The following TRAF3 variants were observed in gnomAD, a reference collection of about 807,000 sequenced individuals.
The protein encoded by TRAF3 is TNF receptor associated factor 3.
A neutral mutation model predicts 62.3 loss-of-function variants in TRAF3; 13 were observed. The observed-to-expected ratio is 0.21, with a 90% confidence interval of 0.14 to 0.33. The LOEUF is 0.33. TRAF3 is among the 10% of genes least tolerant of loss of function. TRAF3 has a pLI of 1.00. For missense variants in TRAF3, 440 were observed against 741.8 expected (o/e 0.59, Z 4.73); for synonymous variants, 269 against 283.4 (o/e 0.95, Z 0.51).
intron 2 of TRAF3, among the ~76,000 whole-genome samples, chr14:102,858,573 A>G (rs1887511903): frequency 6.6e-6 from 1 of 152,242 alleles, no homozygotes; most frequent in African/African-American, 2.4e-5. Flanking sequence ...TCAACACAGC[A>G]GTTGTCTGTG....
chr14:102,828,435 C>A lies in TRAF3; in HGVS notation c.-156-1899C>A, dbSNP rs576663448. Among the ~76,000 whole-genome samples, 53 of 152,248 alleles carry A rather than the reference C, an allele frequency of 3.5e-4. 1 individual carries two copies. The highest frequency in any genetic ancestry group is 1.2e-3 in the African/African-American group (50 of 41,548). ...GGCAGTTTAGTGATTAGAACGTACG[C>A]GATTCTGTGAATGCTGTGGCTGGCA... On this transcript the variant is annotated intron_variant, in intron 1 of 11. Coordinates refer to ENST00000392745, the MANE Select transcript of TRAF3 (RefSeq NM_145725.3).
intron 2 of TRAF3, among the ~76,000 whole-genome samples, chr14:102,865,372 A>G (rs1352292795): frequency 6.6e-6 from 1 of 152,168 alleles, no homozygotes; most frequent in Non-Finnish European, 1.5e-5. Flanking sequence ...ATAGTGGCTC[A>G]TTTACTAGTC....
chr14:102,903,099 C>G lies in TRAF3; in HGVS notation c.961-156C>G, dbSNP rs2140000619. 1.0e-6 allele frequency: 1 copy of G among 990,956 alleles called. No homozygotes were observed. The highest frequency in any genetic ancestry group is 2.2e-4 in the Middle Eastern group (1 of 4,512). 61.4% of individuals were successfully genotyped at this position (990,956 alleles called of 1,614,324 possible). A position where few individuals can be genotyped will look rare whatever the true frequency, so the allele number is the denominator to read the frequency against. ...CAGGGAGCTCCCAGGAGGCCTGATGCAGAGCCCCACTCCTGGAGTCAGAGC... is the reference window on the plus strand; with the variant it reads ...CAGGGAGCTCCCAGGAGGCCTGATGGAGAGCCCCACTCCTGGAGTCAGAGC... On this transcript the variant is annotated intron_variant, in intron 10 of 11. Transcript: ENST00000392745. The surrounding 1 kb of genome is among the most constrained non-coding windows in gnomAD (Gnocchi z 6.4).
intron 2 of TRAF3, among the ~76,000 whole-genome samples, chr14:102,850,205 GC>G (rs1886954043): frequency 6.6e-6 from 1 of 152,158 alleles, no homozygotes. Flanking sequence ...GTATGGATAT[GC>G]CTCAGCTGTG....
intron 6 of TRAF3, among the ~76,000 whole-genome samples, chr14:102,878,904 C>T (rs934044295): frequency 6.6e-6 from 1 of 151,850 alleles, no homozygotes; most frequent in Non-Finnish European, 1.5e-5. Flanking sequence ...GAAGGTTGTA[C>T]TGGGGTGTGC....
chr14:102,888,376 G>C (rs1889522043), intron 7 of TRAF3, among the ~76,000 whole-genome samples: 1 of 152,190 alleles, frequency 6.6e-6, no homozygotes, highest in African/African-American at 2.4e-5. Context: ...TTCCTTGAAG[G>C]TTGACCCTAG....
chr14:102,845,376 T>A (rs1057482653), intron 2 of TRAF3, among the ~76,000 whole-genome samples: 18 of 151,714 alleles, frequency 1.2e-4, no homozygotes, highest in Non-Finnish European at 2.4e-4. Flanking sequence ...CTAATTTTTT[T>A]ATTTTTAGTA....
At chr14:102,840,773 A>G (rs7161606) in intron 2 of TRAF3, among the ~76,000 whole-genome samples, 1 of 151,962 alleles carries the variant, frequency 6.6e-6, no homozygotes, top group Non-Finnish European at 1.5e-5. Flanking sequence ...ATTGACTTCT[A>G]TCTTAAACAA....
At chr14:102,807,168 C>A (rs987092470) in intron 1 of TRAF3, among the ~76,000 whole-genome samples, 34 of 152,178 alleles carry the variant, frequency 2.2e-4, no homozygotes, top group African/African-American at 8.2e-4. Flanking sequence ...TGGCCTCCTG[C>A]CCTTCCCTGA....
At chr14:102,885,021 G>A (rs1398599466) in intron 6 of TRAF3, among the ~76,000 whole-genome samples, 1 of 152,152 alleles carries the variant, frequency 6.6e-6, no homozygotes, top group Non-Finnish European at 1.5e-5. Flanking sequence ...GTTACTGAGT[G>A]GCCTTCTCTT....
At chr14:102,851,701 G>A (rs1054803722) in intron 2 of TRAF3, among the ~76,000 whole-genome samples, 1 of 152,058 alleles carries the variant, frequency 6.6e-6, no homozygotes. Context: ...CCGAGATGGC[G>A]CCACTGCACT....
chr14:102,815,716 T>C (rs1899478061), intron 1 of TRAF3, among the ~76,000 whole-genome samples: 1 of 152,220 alleles, frequency 6.6e-6, no homozygotes, highest in South Asian at 2.1e-4. Flanking sequence ...GAGGTTTAAT[T>C]GATTCACAGT....
At chr14:102,787,766 A>T (rs1234602924) in intron 1 of TRAF3, among the ~76,000 whole-genome samples, 1 of 149,588 alleles carries the variant, frequency 6.7e-6, no homozygotes, top group Non-Finnish European at 1.5e-5. Context: ...TCTTCTGAAC[A>T]CCCTAATTAA....
chr14:102,852,300 A>G (rs1036330744), intron 2 of TRAF3, among the ~76,000 whole-genome samples: 6 of 152,042 alleles, frequency 3.9e-5, no homozygotes, highest in African/African-American at 1.4e-4. Flanking sequence ...TTAGCCTTTT[A>G]GTTTTAGGAG....
At chr14:102,788,968 C>G (rs1897645203) in intron 1 of TRAF3, among the ~76,000 whole-genome samples, 1 of 152,188 alleles carries the variant, frequency 6.6e-6, no homozygotes, top group Non-Finnish European at 1.5e-5. Context: ...GAGAACCTAT[C>G]TCTTAAAAAA....
chr14:102,903,901 A>G lies in TRAF3; in HGVS notation c.1135+472A>G, dbSNP rs1208169696. 4.8e-6 allele frequency: 2 copies of G among 419,022 alleles called. No individual in the cohort carries two copies. Among genetic ancestry groups the G allele is most frequent in the Non-Finnish European group, 9.7e-6 (2 of 206,792 alleles). 26.0% of individuals were successfully genotyped at this position (419,022 alleles called of 1,614,324 possible). A position where few individuals can be genotyped will look rare whatever the true frequency, so the allele number is the denominator to read the frequency against. ...TTTGGGGACTGAAAGAGTATTGGGA[A>G]TATTTACATGAGGAGGATTAATGGC... On this transcript the variant is annotated intron_variant, in intron 11 of 11. Coordinates refer to ENST00000392745, the MANE Select transcript of TRAF3 (RefSeq NM_145725.3). This position sits in a 1 kb window ranked among gnomAD's most constrained non-coding sequence, Gnocchi z 6.4.
intron 10 of TRAF3, among the ~76,000 whole-genome samples, chr14:102,900,662 T>C (rs1890249465): frequency 6.6e-6 from 1 of 152,188 alleles, no homozygotes; most frequent in Non-Finnish European, 1.5e-5. Context: ...CGGCCTTCAC[T>C]CAGGCTGCCG....
At chr14:102,778,151 C>G (rs1324990086) in intron 1 of TRAF3, among the ~76,000 whole-genome samples, 1 of 151,006 alleles carries the variant, frequency 6.6e-6, no homozygotes, top group South Asian at 2.1e-4. Context: ...CTGAGTCATT[C>G]CGCCTCAGAG....
chr14:102,869,531 G>T (rs879480042), intron 2 of TRAF3, among the ~76,000 whole-genome samples: 2 of 152,032 alleles, frequency 1.3e-5, no homozygotes, highest in Non-Finnish European at 2.9e-5. Context: ...TTTTTGGCTG[G>T]TGTGGTGGCT....
Sources: gnomAD v4.1 joint callset for allele counts (sites outside exome capture counted in the v4.1 genomes callset) on GRCh38, gnomAD v4.1.1 for gene constraint, Gnocchi (gnomAD v3.1) non-coding constraint, MANE v1.5 for transcripts, NCBI Gene and HGNC (gene_info 2026-07-23, HGNC 2026-07-21) for gene names.